The following MRPL39 variants were observed in gnomAD, a reference collection of about 807,000 sequenced individuals.
MRPL39 encodes the protein large ribosomal subunit protein mL39.
Under a neutral mutation model 44.5 loss-of-function variants are expected in MRPL39, and 35 were observed. The observed-to-expected ratio is 0.79, with a 90% CI of 0.60 to 1.04. The LOEUF (loss-of-function observed/expected upper bound fraction) is 1.04. Among genes scored for constraint, MRPL39 ranks in the 50% least tolerant of loss-of-function variants. MRPL39 has a pLI of 0.00. For missense variants in MRPL39, 433 were observed against 413.5 expected (o/e 1.05, Z -0.41); for synonymous variants, 139 against 136.1 (o/e 1.02, Z -0.15).
At chr21:25,596,300 G>C (rs9977226) in intron 6 of MRPL39, among the ~76,000 whole-genome samples, 21 of 151,958 alleles carry the variant, frequency 1.4e-4, no homozygotes, top group African/African-American at 5.1e-4. Flanking sequence ...GGGTTTCACC[G>C]TGTTAGCCAA....
upstream of MRPL39, chr21:25,607,514 C>T (rs1220849838): frequency 6.3e-6 from 10 of 1,599,086 alleles, no homozygotes; most frequent in African/African-American, 1.3e-5. Flanking sequence ...TCCTTCTCCG[C>T]CCTCCTCCCC....
chr21:25,606,617 T>C lies in MRPL39; in HGVS notation c.112A>G (p.Thr38Ala), dbSNP rs753718075. The change falls in exon 2 of 10, where the codon ACA becomes GCA. Residue 38 changes from threonine to alanine, a missense_variant. Transcript: ENST00000352957. Reference sequence around the variant, plus strand: ...TCATTCCGCATTTCTGTCAATTCTGTCGGTGACAGCTGAGAAGCTGACGAT... The same window carrying C: ...TCATTCCGCATTTCTGTCAATTCTGCCGGTGACAGCTGAGAAGCTGACGAT... ...ATSSASQLSP[T>A]ELTEMRNDLF... 2 of 1,613,942 alleles carry C rather than the reference T, an allele frequency of 1.2e-6. No individual in the cohort carries two copies. Among genetic ancestry groups the C allele is most frequent in the East Asian group, 2.2e-5 (1 of 44,884 alleles).
chr21:25,590,765 G>A (rs2031150517), intron 8 of MRPL39, among the ~76,000 whole-genome samples: 1 of 152,252 alleles, frequency 6.6e-6, no homozygotes, highest in African/African-American at 2.4e-5. Context: ...TGTTGACATT[G>A]AAAATATTAT....
chr21:25,607,562 G>A, upstream of MRPL39: 7 of 1,383,078 alleles, frequency 5.1e-6, no homozygotes, highest in Non-Finnish European at 7.0e-6. Flanking sequence ...CGCAGGACAG[G>A]TCTGTTCCGG....
chr21:25,592,932 A>G lies in MRPL39; in HGVS notation c.801T>C (p.Pro267=). Residue 267 remains proline (P), a synonymous_variant, in exon 8 of 10, where the codon CCT becomes CCC. Transcript: ENST00000352957. ...IGDFIDVSEG[P]LIPRTSICFQ... ...AACAAATACTTGTTCTTGGAATAAG[A>G]GGGCCCTCACTCACATCAATGAAGT... 6.2e-7 allele frequency: 1 copy of G among 1,613,440 alleles called. No homozygotes were observed. Among genetic ancestry groups the G allele is most frequent in the South Asian group, 1.1e-5 (1 of 91,016 alleles).
intron 5 of MRPL39, among the ~76,000 whole-genome samples, chr21:25,598,452 A>AAAAGAG (rs1555852485): frequency 2.0e-5 from 3 of 146,342 alleles, no homozygotes. Flanking sequence ...AAAAAAAAAA[A>AAAAGAG]AGAGAGAGAA....
At chr21:25,607,348 G>A in intron 1 of MRPL39, 55 bp downstream of exon 1, 6 of 1,600,696 alleles carry the variant, frequency 3.7e-6, no homozygotes, top group Non-Finnish European at 5.1e-6. Flanking sequence ...ACCCAATCTA[G>A]ACAGACACCA....
At chr21:25,589,868 G>C (rs73336092) in intron 8 of MRPL39, among the ~76,000 whole-genome samples, 1,937 of 152,354 alleles carry the variant, frequency 0.013, 44 homozygotes, top group African/African-American at 0.044. Context: ...ACCTTAAGCT[G>C]TGGCTGGAAT....
At chr21:25,606,742 T>C (rs2031688094) in intron 1 of MRPL39, 87 bp from the exon 2 acceptor site, 6 of 1,010,098 alleles carry the variant, frequency 5.9e-6, no homozygotes, top group Non-Finnish European at 8.8e-6. Context: ...TTAAACCAAT[T>C]TGTAATATTA....
chr21:25,607,110 T>C (rs2031702288), intron 1 of MRPL39, among the ~76,000 whole-genome samples: 2 of 152,240 alleles, frequency 1.3e-5, no homozygotes, highest in Admixed American at 6.5e-5. Flanking sequence ...TGGGAAGACA[T>C]GGACAGATGT....
rs186800477 is a variant in MRPL39, at chr21:25,597,538, T to C, written c.589-124A>G. Reference sequence around the variant, plus strand: ...AACTAAAATAAAAGATAAAATCAAATTTGTTAGAACAGAAAGTTACTAATT... The same window carrying C: ...AACTAAAATAAAAGATAAAATCAAACTTGTTAGAACAGAAAGTTACTAATT... On this transcript the variant is annotated intron_variant, in intron 5 of 9. Transcript: ENST00000352957. 9.1e-6 allele frequency: 5 copies of C among 551,012 alleles called. No individual in the cohort carries two copies. In the African/African-American group the frequency reaches 9.8e-5, roughly 11 times the overall value. The allele number at this position is 551,012 out of a possible 1,614,324, so 34.1% of individuals were successfully genotyped here.
At chr21:25,588,323 G>C (rs550889643) in intron 9 of MRPL39, among the ~76,000 whole-genome samples, 3 of 146,204 alleles carry the variant, frequency 2.1e-5, no homozygotes, top group African/African-American at 7.5e-5. Context: ...AAAAAAAAAA[G>C]AAAAGAAATA....
intron 3 of MRPL39, among the ~76,000 whole-genome samples, chr21:25,602,902 G>A (rs928799742): frequency 6.6e-6 from 1 of 152,206 alleles, no homozygotes; most frequent in African/African-American, 2.4e-5. Flanking sequence ...CATCTCGAAC[G>A]AAGGAGAGAC....
upstream of MRPL39, chr21:25,607,552 C>G: frequency 6.8e-7 from 1 of 1,477,024 alleles, no homozygotes; most frequent in South Asian, 1.2e-5. Context: ...CTCGGAGTTC[C>G]GCAGGACAGG....
chr21:25,590,811 A>T (rs1006362125), intron 8 of MRPL39, among the ~76,000 whole-genome samples: 1 of 152,216 alleles, frequency 6.6e-6, no homozygotes, highest in Non-Finnish European at 1.5e-5. Flanking sequence ...AGACTAGAAG[A>T]GTTAAAACAA....
intron 8 of MRPL39, among the ~76,000 whole-genome samples, chr21:25,590,672 G>A (rs1055300277): frequency 3.9e-5 from 6 of 152,094 alleles, no homozygotes; most frequent in African/African-American, 1.4e-4. Context: ...TCATAGACTG[G>A]AAACCTCAAC....
At chr21:25,593,085 G>A in intron 7 of MRPL39, 120 bp from the exon 8 acceptor site, 1 of 806,930 alleles carries the variant, frequency 1.2e-6, no homozygotes, top group Non-Finnish European at 1.8e-6. Flanking sequence ...ATTATATATG[G>A]TTCAATTCAG....
At chr21:25,593,474 A>C (rs921263688) in intron 7 of MRPL39, among the ~76,000 whole-genome samples, 1 of 152,262 alleles carries the variant, frequency 6.6e-6, no homozygotes, top group African/African-American at 2.4e-5. Context: ...CATCATAAGC[A>C]GTGGACCTTT....
chr21:25,601,505 C>T (rs757351958), intron 3 of MRPL39, 38 bp from the exon 4 acceptor site: 1 of 1,314,824 alleles, frequency 7.6e-7, no homozygotes, highest in Non-Finnish European at 1.0e-6. Context: ...TATATATAAA[C>T]ACACTGAGAT....
Sources: gnomAD v4.1 joint callset for allele counts (sites outside exome capture counted in the v4.1 genomes callset) on GRCh38, gnomAD v4.1.1 for gene constraint, MANE v1.5 for transcripts, NCBI Gene and HGNC (gene_info 2026-07-23, HGNC 2026-07-21) for gene names.